The following DAP variants were observed in gnomAD, a reference collection of about 807,000 sequenced individuals.
The protein encoded by DAP is death associated protein.
DAP carries 8 observed loss-of-function variants against 13.8 expected under a neutral mutation model. The ratio of observed to expected loss-of-function variants is 0.58; its 90% CI spans 0.34 to 1.05. The LOEUF is 1.05. Ranked by LOEUF, DAP falls within the 50% of genes least tolerant of loss-of-function variation. DAP has a pLI of 0.03. For missense variants in DAP, 106 were observed against 133.2 expected, an observed-to-expected ratio of 0.80 and a Z score of 1.01; for synonymous variants, 47 against 47.5, an observed-to-expected ratio of 0.99 and a Z score of 0.04.
intron 2 of DAP, among the ~76,000 whole-genome samples, chr5:10,719,941 C>G (rs1000411035): frequency 1.3e-5 from 2 of 152,174 alleles, no homozygotes; most frequent in African/African-American, 4.8e-5. Context: ...CTAGGACATC[C>G]CTGAAGGATG....
intron 2 of DAP, among the ~76,000 whole-genome samples, chr5:10,732,531 C>T (rs775487796): frequency 4.6e-5 from 7 of 152,222 alleles, no homozygotes; most frequent in Non-Finnish European, 8.8e-5. Context: ...GCACTTCATT[C>T]TTTGTATGAC....
chr5:10,702,182 G>T (rs1007885687), intron 2 of DAP, among the ~76,000 whole-genome samples: 2 of 152,224 alleles, frequency 1.3e-5, no homozygotes, highest in African/African-American at 4.8e-5. Context: ...CTGGCACATG[G>T]TCTGGTGCGC....
chr5:10,745,314 A>T, intron 2 of DAP, among the ~76,000 whole-genome samples: 1 of 152,234 alleles, frequency 6.6e-6, no homozygotes, highest in East Asian at 1.9e-4. Context: ...CCACAGCAGT[A>T]AACAGCCAAG....
rs59648907 is a variant in DAP, at chr5:10,680,254, C to G, written c.*802G>C. Reference sequence around the variant, plus strand: ...CAGAATGAACTAGAAGTCTATTCCTCCACCCTGGTCCGTGGTCACTTCCAG... The same window carrying G: ...CAGAATGAACTAGAAGTCTATTCCTGCACCCTGGTCCGTGGTCACTTCCAG... On this transcript the variant is annotated 3_prime_UTR_variant, in exon 4 of 4. Coordinates refer to ENST00000230895, the MANE Select transcript of DAP (RefSeq NM_004394.3). 918 of 163,830 alleles carry G rather than the reference C, an allele frequency of 5.6e-3. 16 individuals are homozygous for G. The highest frequency in any genetic ancestry group is 0.021 in the African/African-American group (873 of 41,728). 10.1% of individuals were successfully genotyped at this position (163,830 alleles called of 1,614,324 possible). A position where few individuals can be genotyped will look rare whatever the true frequency, so the allele number is the denominator to read the frequency against.
intron 2 of DAP, among the ~76,000 whole-genome samples, chr5:10,689,764 A>G (rs943347008): frequency 1.3e-5 from 2 of 152,148 alleles, no homozygotes; most frequent in African/African-American, 2.4e-5. Flanking sequence ...GAGTGATGGC[A>G]AGACTGAGGG....
chr5:10,693,880 CT>C (rs1430384505), intron 2 of DAP, among the ~76,000 whole-genome samples: 1 of 152,130 alleles, frequency 6.6e-6, no homozygotes, highest in Non-Finnish European at 1.5e-5. Flanking sequence ...AAAATGATCA[CT>C]TATGTCTCTA....
rs1419137232 is a variant in DAP, at chr5:10,759,943, T to C, written c.55+1071A>G. 4.6e-5 allele frequency among the ~76,000 whole-genome samples: 7 copies of C among 151,920 alleles called. No individual in the cohort carries two copies. The East Asian group carries it at 7.7e-4, about 17-fold the overall frequency. On this transcript the variant is annotated intron_variant, in intron 1 of 3. Coordinates refer to ENST00000230895, the MANE Select transcript of DAP (RefSeq NM_004394.3). ...CTAATTTTTCTACTTTTAGTAGAGA[T>C]GGGGTTTCACCATGTTATCCAGGCT...
intron 1 of DAP, among the ~76,000 whole-genome samples, chr5:10,758,518 G>A (rs937305904): frequency 2.6e-5 from 4 of 152,092 alleles, no homozygotes; most frequent in Admixed American, 6.5e-5. Flanking sequence ...ACAGCCACCC[G>A]CAAGAGCTCA....
chr5:10,758,576 C>T (rs1428495943), intron 1 of DAP, among the ~76,000 whole-genome samples: 1 of 152,172 alleles, frequency 6.6e-6, no homozygotes, highest in African/African-American at 2.4e-5. Flanking sequence ...AGGAGTTTAC[C>T]TGGGGGATGA....
intron 2 of DAP, among the ~76,000 whole-genome samples, chr5:10,694,280 G>A (rs923689618): frequency 1.1e-4 from 16 of 152,042 alleles, no homozygotes; most frequent in Non-Finnish European, 2.2e-4. Flanking sequence ...ACTCTGCCAG[G>A]GACAAGCTGG....
At chr5:10,713,529 AG>A (rs1738904266) in intron 2 of DAP, among the ~76,000 whole-genome samples, 1 of 152,232 alleles carries the variant, frequency 6.6e-6, no homozygotes, top group Non-Finnish European at 1.5e-5. Context: ...CTCATCTGAC[AG>A]GGGTTACTGT....
chr5:10,744,117 T>G (rs1739840071), intron 2 of DAP, among the ~76,000 whole-genome samples: 1 of 152,184 alleles, frequency 6.6e-6, no homozygotes, highest in African/African-American at 2.4e-5. Flanking sequence ...GATTTTCCAA[T>G]TAATGGGGAA....
chr5:10,706,871 C>T (rs370873849), intron 2 of DAP, among the ~76,000 whole-genome samples: 1 of 152,174 alleles, frequency 6.6e-6, no homozygotes, highest in Non-Finnish European at 1.5e-5. Flanking sequence ...CAGAAAAACC[C>T]GATGCACACG....
At position 10,693,800 on chromosome 5, in the gene DAP, A is replaced by G. The variant is rs76995326; in HGVS notation, c.153-10229T>C. Among the ~76,000 whole-genome samples the G allele has an allele frequency of 5.3e-3, 811 of 152,354 alleles. 6 individuals are homozygous for G. The highest frequency in any genetic ancestry group is 0.018 in the African/African-American group (765 of 41,580). On this transcript the variant is annotated intron_variant, in intron 2 of 3. Coordinates refer to ENST00000230895, the MANE Select transcript of DAP (RefSeq NM_004394.3). ...TAACCTGAGGGTCCTTTATTCAACC[A>G]GACAGTACAATATATTCAAATCTAC...
chr5:10,750,206 C>T (rs1181357937), intron 1 of DAP, among the ~76,000 whole-genome samples: 1 of 152,098 alleles, frequency 6.6e-6, no homozygotes, highest in African/African-American at 2.4e-5. Flanking sequence ...TGGACCCTGC[C>T]GAGTCACGAA....
chr5:10,759,097 G>T (rs1253648446), intron 1 of DAP, among the ~76,000 whole-genome samples: 1 of 151,348 alleles, frequency 6.6e-6, no homozygotes, highest in Admixed American at 6.6e-5. Context: ...TGAGGCAGGA[G>T]AATCTCTTGA....
In DAP at chr5:10,702,665, G is replaced by C. The variant is rs138486333; in HGVS notation, c.153-19094C>G. Among the ~76,000 whole-genome samples, 17 of 152,320 alleles carry C rather than the reference G, an allele frequency of 1.1e-4. No homozygotes were observed. In the East Asian group the frequency reaches 3.1e-3, roughly 28 times the overall value. On this transcript the variant is annotated intron_variant, in intron 2 of 3. Coordinates refer to ENST00000230895, the MANE Select transcript of DAP (RefSeq NM_004394.3). ...TTAGCTAGAGGCGGTAAGGAAAAGA[G>C]GGATGGGGTGTTATCAATGACCACA...
At chr5:10,712,635 G>T (rs192151482) in intron 2 of DAP, among the ~76,000 whole-genome samples, 1 of 152,130 alleles carries the variant, frequency 6.6e-6, no homozygotes, top group Non-Finnish European at 1.5e-5. Context: ...GACTGGGCAG[G>T]GCCTTAAATG....
intron 1 of DAP, among the ~76,000 whole-genome samples, chr5:10,752,567 C>G (rs1740072816): frequency 6.6e-6 from 1 of 152,180 alleles, no homozygotes; most frequent in South Asian, 2.1e-4. Flanking sequence ...TTCCTCTTAG[C>G]AGAAGTGCTG....
Sources: allele counts gnomAD v4.1 joint callset (sites outside exome capture counted in the v4.1 genomes callset), GRCh38; gene constraint gnomAD v4.1.1; transcripts MANE v1.5; gene names NCBI Gene and HGNC (gene_info 2026-07-23, HGNC 2026-07-21).